Variants in PRDM10 observed in about 807,000 individuals in gnomAD.
PRDM10 encodes the protein PR domain zinc finger protein 10.
Under a neutral mutation model 133.1 loss-of-function variants are expected in PRDM10, and 65 were observed. The ratio of observed to expected loss-of-function variants is 0.49; its 90% CI spans 0.40 to 0.60. The LOEUF (loss-of-function observed/expected upper bound fraction) is 0.60. PRDM10 is among the 20% of genes least tolerant of loss of function. The probability of loss-of-function intolerance (pLI) is 0.00; values close to 1 mark genes in which losing one functional copy is unlikely to be tolerated. For missense variants in PRDM10, 1,137 were observed against 1,507.1 expected (o/e 0.75, Z 4.07); for synonymous variants, 582 against 580.4 (o/e 1.00, Z -0.04).
At chr11:130,001,983 A>G (rs1939420648) in intron 1 of PRDM10, among the ~76,000 whole-genome samples, 1 of 150,438 alleles carries the variant, frequency 6.6e-6, no homozygotes, top group African/African-American at 2.4e-5. Context: ...CCCGGACGCT[A>G]GCTTGGGAAG....
intron 9 of PRDM10, 68 bp downstream of exon 9, chr11:129,935,033 T>A (rs145667126): frequency 8.6e-4 from 1,160 of 1,351,234 alleles, no homozygotes; most frequent in Middle Eastern, 3.2e-3. Context: ...CATTAGCTAG[T>A]GGACAATATA....
At chr11:129,910,798 T>G in intron 18 of PRDM10, 142 bp from the exon 19 acceptor site, 1 of 886,118 alleles carries the variant, frequency 1.1e-6, no homozygotes, top group Non-Finnish European at 1.6e-6. Flanking sequence ...TCTTTTGAGA[T>G]GGAGTTTCAC....
rs2135883880 is a variant in PRDM10 at position 129,947,066 on chromosome 11, A to G, written c.520+79T>C. On this transcript the variant is annotated intron_variant, in intron 5 of 20. Transcript: ENST00000360871. This position sits in a 1 kb window ranked among gnomAD's most constrained non-coding sequence, Gnocchi z 4.6. ...CGGAAGGACCTGACGCACGGGAGCTATGTTCACACACACGCACACGTACAC... is the reference window on the plus strand; with the variant it reads ...CGGAAGGACCTGACGCACGGGAGCTGTGTTCACACACACGCACACGTACAC... 1 of 1,550,994 alleles carries G rather than the reference A, an allele frequency of 6.4e-7. No individual in the cohort carries two copies. Among genetic ancestry groups the G allele is most frequent in the Non-Finnish European group, 8.8e-7 (1 of 1,141,824 alleles).
chr11:129,932,629 C>T (rs1006185563), intron 9 of PRDM10, among the ~76,000 whole-genome samples: 2 of 152,192 alleles, frequency 1.3e-5, no homozygotes, highest in African/African-American at 2.4e-5. Flanking sequence ...ATATTCCTTC[C>T]AAGAAATGTG....
chr11:129,997,235 T>C (rs148987739), intron 1 of PRDM10, among the ~76,000 whole-genome samples: 15 of 152,248 alleles, frequency 9.9e-5, no homozygotes, highest in African/African-American at 3.4e-4. Flanking sequence ...TCCCAGCACT[T>C]TGGGAGGCAG....
At chr11:129,926,417 T>C (rs1950680527) in intron 11 of PRDM10, among the ~76,000 whole-genome samples, 1 of 152,196 alleles carries the variant, frequency 6.6e-6, no homozygotes, top group Non-Finnish European at 1.5e-5. Flanking sequence ...CCTTCAAGTA[T>C]ATCTGTGAAT....
intron 1 of PRDM10, among the ~76,000 whole-genome samples, chr11:130,001,217 A>G (rs139353448): frequency 1.3e-5 from 2 of 152,246 alleles, no homozygotes; most frequent in African/African-American, 4.8e-5. Flanking sequence ...TGTTTTCTCT[A>G]TTCTAGAACA....
intron 1 of PRDM10, among the ~76,000 whole-genome samples, chr11:129,983,974 T>C (rs938499749): frequency 1.3e-5 from 2 of 152,158 alleles, no homozygotes; most frequent in African/African-American, 4.8e-5. Flanking sequence ...TCAGGACCAC[T>C]GATCTCAAAG....
At chr11:129,957,167 C>T (rs1591660518) in intron 3 of PRDM10, among the ~76,000 whole-genome samples, 1 of 152,128 alleles carries the variant, frequency 6.6e-6, no homozygotes, top group East Asian at 1.9e-4. Context: ...CATTTTTGGC[C>T]TGGTTCTTGA....
chr11:129,990,501 G>C (rs1938670040), intron 1 of PRDM10, among the ~76,000 whole-genome samples: 1 of 112,626 alleles, frequency 8.9e-6, no homozygotes, highest in South Asian at 3.0e-4. Flanking sequence ...CAGCCTGGGT[G>C]ACAAAGTGAG....
At chr11:129,989,349 A>G (rs1232073967) in intron 1 of PRDM10, among the ~76,000 whole-genome samples, 1 of 152,208 alleles carries the variant, frequency 6.6e-6, no homozygotes, top group Middle Eastern at 3.2e-3. Flanking sequence ...TTTCTCAGCT[A>G]TGAATAATGA....
chr11:129,913,035 G>A (rs1378268139), intron 17 of PRDM10, among the ~76,000 whole-genome samples: 12 of 147,294 alleles, frequency 8.1e-5, no homozygotes, highest in South Asian at 2.1e-4. Flanking sequence ...ACTCTAGCCC[G>A]GGCAACAGAG....
At chr11:129,942,342 C>A in intron 7 of PRDM10, 84 bp downstream of exon 7, 8 of 1,424,010 alleles carry the variant, frequency 5.6e-6, no homozygotes, top group South Asian at 1.3e-5. Context: ...TTAAACAAAC[C>A]CACTTTAGGA....
chr11:129,910,517 T>G lies in PRDM10; in HGVS notation c.3122A>C (p.His1041Pro). 4 of 1,614,144 alleles carry G rather than the reference T, an allele frequency of 2.5e-6. No homozygotes were observed. The highest frequency in any genetic ancestry group is 3.4e-6 in the Non-Finnish European group (4 of 1,180,018). ...ATTCCAAGCACTGGGCAGGTACGTG[T>G]GCTGCACAGAGGAATTCTGCTGCTG... is the stretch of plus-strand genomic sequence containing the variant. ...QQQQQNSSVQ[H>P]TYLPSAWNSF... Residue 1041 changes from histidine (H) to proline (P), a missense_variant, in exon 19 of 21, where the codon CAC (histidine) becomes CCC (proline). Transcript: ENST00000360871.
At position 129,915,740 on chromosome 11, in the gene PRDM10, T is replaced by G. The variant is rs775057426; in HGVS notation, c.2446A>C (p.Ser816Arg). ...GTGCCCGTCAGCTGGGTGTGTGTGC[T>G]CAGCATGGGGTCTGGCTCTCCAGGA... Reference protein sequence around the residue: ...AGPGEPDPMLSTHTQLTGTIA... With the variant: ...AGPGEPDPMLRTHTQLTGTIA... Residue 816 changes from serine to arginine, a missense_variant, in exon 16 of 21, where the codon AGC becomes CGC. Around this residue, in one of 6 missense-constraint regions of PRDM10, gnomAD observed 65 missense variants for 151.1 expected, o/e 0.43. Transcript: ENST00000360871. 1 of 1,614,022 alleles carries G rather than the reference T, an allele frequency of 6.2e-7. No individual in the cohort carries two copies. Among genetic ancestry groups the G allele is most frequent in the African/African-American group, 1.3e-5 (1 of 74,934 alleles).
chr11:129,930,657 G>A (rs1241944636), intron 11 of PRDM10, among the ~76,000 whole-genome samples: 3 of 152,146 alleles, frequency 2.0e-5, no homozygotes, highest in African/African-American at 7.2e-5. Flanking sequence ...GCTATGATTA[G>A]GCACAAATTA....
chr11:129,978,968 A>C (rs1489482254), intron 1 of PRDM10, among the ~76,000 whole-genome samples: 1 of 152,170 alleles, frequency 6.6e-6, no homozygotes, highest in Admixed American at 6.5e-5. Flanking sequence ...ATTCACTCAG[A>C]ACGAAGAAAC....
chr11:129,944,757 A>G lies in PRDM10; in HGVS notation c.762+14T>C. On this transcript the variant is annotated intron_variant, in intron 6 of 20. Coordinates refer to ENST00000360871, the MANE Select transcript of PRDM10 (RefSeq NM_199437.2). ...GTAAAGGACAGGAGTGAAGTGTGAT[A>G]GAGCATAAATTACCTTGAGGTGAAT... 1 of 1,613,714 alleles carries G rather than the reference A, an allele frequency of 6.2e-7. No homozygotes were observed. Among genetic ancestry groups the G allele is most frequent in the South Asian group, 1.1e-5 (1 of 91,076 alleles).
intron 1 of PRDM10, among the ~76,000 whole-genome samples, chr11:129,972,395 GCAA>G (rs1377784855): frequency 3.3e-5 from 5 of 152,332 alleles, no homozygotes; most frequent in Admixed American, 2.6e-4. Context: ...AAAATGACTG[GCAA>G]CAATAGCAAC....
Sources: allele counts gnomAD v4.1 joint callset (sites outside exome capture counted in the v4.1 genomes callset), GRCh38; gene constraint gnomAD v4.1.1; regional missense constraint gnomAD v4.1.1; non-coding constraint Gnocchi (gnomAD v3.1); transcripts MANE v1.5; gene names NCBI Gene and HGNC (gene_info 2026-07-23, HGNC 2026-07-21).